The following CDH12 variants were observed in gnomAD, a reference collection of about 807,000 sequenced individuals.
The protein encoded by CDH12 is cadherin-12.
CDH12 carries 41 observed loss-of-function variants against 74.1 expected under a neutral mutation model. The ratio of observed to expected loss-of-function variants is 0.55; its 90% CI spans 0.43 to 0.72. CDH12 has a LOEUF of 0.72. Among genes scored for constraint, CDH12 ranks in the 30% least tolerant of loss-of-function variants. CDH12 has a pLI of 0.00. For synonymous variants in CDH12, 399 were observed against 355.0 expected (o/e 1.12, Z -1.39); for missense variants, 945 against 977.2 (o/e 0.97, Z 0.44).
At chr5:22,308,244 ACTATT>A (rs1449100766) in intron 3 of CDH12, among the ~76,000 whole-genome samples, 2 of 152,100 alleles carry the variant, frequency 1.3e-5, no homozygotes, top group African/African-American at 4.8e-5. Context: ...TTTCTAAATT[ACTATT>A]CTAGAGTTAA....
chr5:21,958,168 C>T (rs1239167445), intron 6 of CDH12, among the ~76,000 whole-genome samples: 2 of 152,074 alleles, frequency 1.3e-5, no homozygotes, highest in East Asian at 3.9e-4. Flanking sequence ...GCGTCCCTTT[C>T]ACCTTCTTCT....
chr5:22,535,002 TCA>T (rs1737766865), intron 1 of CDH12, among the ~76,000 whole-genome samples: 1 of 148,296 alleles, frequency 6.7e-6, no homozygotes, highest in Non-Finnish European at 1.5e-5. Flanking sequence ...AGACGGAGTC[TCA>T]CTCTGTCACC....
chr5:22,369,923 G>T (rs1741203706), intron 3 of CDH12, among the ~76,000 whole-genome samples: 1 of 151,920 alleles, frequency 6.6e-6, no homozygotes, highest in Admixed American at 6.6e-5. Context: ...TTAAAACATG[G>T]TGTCAGTTTC....
intron 8 of CDH12, among the ~76,000 whole-genome samples, chr5:21,840,828 C>G (rs559110122): frequency 1.6e-4 from 24 of 152,242 alleles, no homozygotes; most frequent in Non-Finnish European, 3.2e-4. Context: ...AACTGGATCC[C>G]TTCCTTACAC....
chr5:22,662,837 T>C (rs968073767), intron 1 of CDH12, among the ~76,000 whole-genome samples: 1 of 152,142 alleles, frequency 6.6e-6, no homozygotes, highest in African/African-American at 2.4e-5. Context: ...TTGCTGACAA[T>C]ATTTACATAA....
chr5:22,103,245 T>A (rs926822252), intron 4 of CDH12, among the ~76,000 whole-genome samples: 3 of 152,182 alleles, frequency 2.0e-5, no homozygotes, highest in Admixed American at 2.0e-4. Flanking sequence ...ATGATGACGA[T>A]GATGATGATT....
chr5:22,041,920 A>G (rs1739600387), intron 5 of CDH12, among the ~76,000 whole-genome samples: 1 of 152,232 alleles, frequency 6.6e-6, no homozygotes. Flanking sequence ...AACAAGACTT[A>G]ACAAATGTAA....
intron 3 of CDH12, among the ~76,000 whole-genome samples, chr5:22,294,401 C>A (rs906208539): frequency 6.6e-6 from 1 of 152,116 alleles, no homozygotes; most frequent in African/African-American, 2.4e-5. Context: ...CAAACTGTTA[C>A]CCCCCAGACA....
At chr5:22,438,592 A>C (rs1744500855) in intron 2 of CDH12, among the ~76,000 whole-genome samples, 2 of 152,088 alleles carry the variant, frequency 1.3e-5, no homozygotes, top group Admixed American at 1.3e-4. Flanking sequence ...TAAATTAAAT[A>C]TAATAACATT....
chr5:21,871,184 A>G (rs1228756936), intron 6 of CDH12, among the ~76,000 whole-genome samples: 4 of 152,140 alleles, frequency 2.6e-5, no homozygotes, highest in African/African-American at 9.7e-5. Flanking sequence ...AGAACTTATC[A>G]ATTAGGAGAG....
At chr5:22,184,126 C>G (rs1197853026) in intron 4 of CDH12, among the ~76,000 whole-genome samples, 1 of 151,844 alleles carries the variant, frequency 6.6e-6, no homozygotes, top group African/African-American at 2.4e-5. Flanking sequence ...TGTTTCTTAA[C>G]TCGGTTTTTT....
intron 3 of CDH12, among the ~76,000 whole-genome samples, chr5:22,369,359 GA>G (rs146412527): frequency 0.043 from 6,565 of 151,358 alleles, 319 homozygotes; most frequent in East Asian, 0.12. Context: ...TAATAACTCA[GA>G]AAAAAAATAG....
intron 5 of CDH12, among the ~76,000 whole-genome samples, chr5:22,068,234 A>C (rs1462776570): frequency 6.6e-6 from 1 of 152,124 alleles, no homozygotes; most frequent in South Asian, 2.1e-4. Context: ...ACTGACATGA[A>C]GAAGAGACCC....
chr5:21,883,524 C>A (rs1752469849), intron 6 of CDH12: 1 of 1,612,546 alleles, frequency 6.2e-7, no homozygotes, highest in Non-Finnish European at 8.5e-7. Flanking sequence ...TAGAAAGAAC[C>A]AACTTAAAGA....
chr5:22,372,120 A>G (rs1741318765), intron 3 of CDH12, among the ~76,000 whole-genome samples: 1 of 152,180 alleles, frequency 6.6e-6, no homozygotes, highest in Non-Finnish European at 1.5e-5. Flanking sequence ...TGGTGTACTG[A>G]TGAAGAAAAT....
At chr5:22,768,665 TA>T (rs575437540) in intron 1 of CDH12, among the ~76,000 whole-genome samples, 90 of 152,164 alleles carry the variant, frequency 5.9e-4, no homozygotes, top group African/African-American at 2.1e-3. Context: ...AGGGAAGTAT[TA>T]AAAAAATGAA....
intron 3 of CDH12, among the ~76,000 whole-genome samples, chr5:22,287,451 G>A (rs888462465): frequency 1.3e-4 from 20 of 152,014 alleles, no homozygotes; most frequent in African/African-American, 2.6e-4. Flanking sequence ...CAGGCTGGGC[G>A]CGGTGGCTCA....
At chr5:22,637,020 A>G (rs1738875885) in intron 1 of CDH12, among the ~76,000 whole-genome samples, 2 of 152,218 alleles carry the variant, frequency 1.3e-5, no homozygotes, top group African/African-American at 4.8e-5. Context: ...TATCTATAGT[A>G]CATGACTAGC....
chr5:22,397,011 AT>A (rs1214839395), intron 3 of CDH12, among the ~76,000 whole-genome samples: 1 of 152,030 alleles, frequency 6.6e-6, no homozygotes, highest in Non-Finnish European at 1.5e-5. Flanking sequence ...ACTTTGGTGT[AT>A]CAGAGTCTGC....
Sources: gnomAD v4.1 joint callset for allele counts (sites outside exome capture counted in the v4.1 genomes callset) on GRCh38, gnomAD v4.1.1 for gene constraint, MANE v1.5 for transcripts, NCBI Gene and HGNC (gene_info 2026-07-23, HGNC 2026-07-21) for gene names.